The following HIBCH variants were observed in gnomAD, a reference collection of about 807,000 sequenced individuals.
HIBCH encodes 3-hydroxyisobutyryl-CoA hydrolase, mitochondrial.
HIBCH carries 50 observed loss-of-function variants against 58.2 expected under a neutral mutation model. The ratio of observed to expected loss-of-function variants is 0.86; its 90% CI spans 0.68 to 1.09. The LOEUF (loss-of-function observed/expected upper bound fraction) is 1.09. HIBCH is among the 50% of genes least tolerant of loss of function. HIBCH has a pLI of 0.00. For synonymous variants in HIBCH, 151 were observed against 146.9 expected (o/e 1.03, Z -0.20); for missense variants, 450 against 449.7 (o/e 1.00, Z -0.01).
At chr2:190,311,325 A>C (rs1007767197) in intron 1 of HIBCH, among the ~76,000 whole-genome samples, 1 of 152,212 alleles carries the variant, frequency 6.6e-6, no homozygotes, top group African/African-American at 2.4e-5. Flanking sequence ...TGTTTAGGGC[A>C]GTGAAACTAA....
At position 190,205,042 on chromosome 2, in the gene HIBCH, C is replaced by T. The variant is rs1690355774; in HGVS notation, c.*75G>A. On this transcript the variant is annotated 3_prime_UTR_variant, in exon 14 of 14. Coordinates refer to ENST00000359678, the MANE Select transcript of HIBCH (RefSeq NM_014362.4). ...AGCTTACAGGGTATATAAAAACAGG[C>T]AGCAGGCTGGATTTGGCCCACATGC... 3.9e-6 allele frequency: 3 copies of T among 770,550 alleles called. No homozygotes were observed. Among genetic ancestry groups the T allele is most frequent in the Non-Finnish European group, 7.0e-6 (3 of 429,190 alleles). The allele number at this position is 770,550 out of a possible 1,614,324, so 47.7% of individuals were successfully genotyped here.
intron 9 of HIBCH, among the ~76,000 whole-genome samples, chr2:190,248,312 C>T (rs1238616411): frequency 6.6e-6 from 1 of 152,116 alleles, no homozygotes; most frequent in East Asian, 1.9e-4. Flanking sequence ...ATTAAGGGGT[C>T]CATGAATTTC....
At chr2:190,192,801 G>A (rs1001842470) in intron 1 of HIBCH, among the ~76,000 whole-genome samples, 3 of 151,972 alleles carry the variant, frequency 2.0e-5, no homozygotes, top group African/African-American at 7.2e-5. Flanking sequence ...ATTGCAAATG[G>A]CATTAATTTC....
chr2:190,248,753 C>T (rs60584672), intron 9 of HIBCH, among the ~76,000 whole-genome samples: 3,851 of 151,740 alleles, frequency 0.025, 179 homozygotes, highest in African/African-American at 0.089. Flanking sequence ...CCCAGCTACT[C>T]GGGAGGCTGA....
intron 6 of HIBCH, among the ~76,000 whole-genome samples, chr2:190,287,027 C>T (rs990241068): frequency 7.0e-6 from 1 of 142,114 alleles, no homozygotes; most frequent in Non-Finnish European, 1.5e-5. Context: ...TAGCATATAA[C>T]GTGTGTGTGT....
chr2:190,244,319 T>A (rs540093916), intron 11 of HIBCH, among the ~76,000 whole-genome samples: 2 of 152,296 alleles, frequency 1.3e-5, no homozygotes, highest in South Asian at 4.1e-4. Context: ...TATGTACACA[T>A]TTATACAAAA....
intron 6 of HIBCH, among the ~76,000 whole-genome samples, chr2:190,272,888 CTCTA>C (rs1431993435): frequency 6.6e-6 from 1 of 152,014 alleles, no homozygotes; most frequent in Non-Finnish European, 1.5e-5. Context: ...AAAACAAGGG[CTCTA>C]TCTAATAAGA....
At chr2:190,256,576 CAAAGT>C (rs1471771747) in intron 7 of HIBCH, among the ~76,000 whole-genome samples, 6 of 151,304 alleles carry the variant, frequency 4.0e-5, no homozygotes, top group African/African-American at 1.5e-4. Context: ...CAGCACCCGA[CAAAGT>C]AAAGTTTACA....
chr2:190,247,824 G>A (rs944281215), intron 9 of HIBCH, among the ~76,000 whole-genome samples: 1 of 152,156 alleles, frequency 6.6e-6, no homozygotes, highest in Non-Finnish European at 1.5e-5. Context: ...AAGCTCAGAT[G>A]ATCATTAGTA....
intron 7 of HIBCH, among the ~76,000 whole-genome samples, chr2:190,258,435 T>A (rs966253915): frequency 4.6e-5 from 7 of 152,136 alleles, no homozygotes; most frequent in African/African-American, 1.7e-4. Context: ...AATGTAGAAG[T>A]GACTTGGGAA....
chr2:190,194,210 G>T (rs1338526155), intron 1 of HIBCH, among the ~76,000 whole-genome samples: 1 of 152,154 alleles, frequency 6.6e-6, no homozygotes, highest in African/African-American at 2.4e-5. Flanking sequence ...ATAAGAATAT[G>T]TAATAGTTGT....
chr2:190,219,608 T>G (rs1037978504), intron 11 of HIBCH, among the ~76,000 whole-genome samples: 1 of 152,210 alleles, frequency 6.6e-6, no homozygotes, highest in Non-Finnish European at 1.5e-5. Flanking sequence ...AGGATTGCAG[T>G]GCATTGTGGG....
Position 190,246,195 on chromosome 2 carries a change from G to A in HIBCH, c.768C>T (p.Asp256=). 6.3e-7 allele frequency: 1 copy of A among 1,592,968 alleles called. No homozygotes were observed. The highest frequency in any genetic ancestry group is 8.6e-7 in the Non-Finnish European group (1 of 1,161,998). Residue 256 remains aspartate, a synonymous_variant, in exon 10 of 14, where the codon GAC becomes GAT. Coordinates refer to ENST00000359678, the MANE Select transcript of HIBCH (RefSeq NM_014362.4). The part of the protein sequence containing the change: ...NYHTESKIDR[D]KSFILEEHMD... ...TGTGTTCCTCAAGTATAAAAGACTT[G>A]TCTCGATCAATCTTAGACTGTTTGA...
rs947417053 is a variant in HIBCH, at chr2:190,217,961, G to C, written c.892-4886C>G. On this transcript the variant is annotated intron_variant, in intron 11 of 13. Transcript: ENST00000359678. This position sits in a 1 kb window ranked among gnomAD's most constrained non-coding sequence, Gnocchi z 4.6. ...TGAGCAGGCTCCGTCATTGGGGGTGGATACGGTTAGGATTAATCCTAACAC... is the reference window on the plus strand; with the variant it reads ...TGAGCAGGCTCCGTCATTGGGGGTGCATACGGTTAGGATTAATCCTAACAC... Among the ~76,000 whole-genome samples, 2 of 152,124 alleles carry C rather than the reference G, an allele frequency of 1.3e-5. No individual in the cohort carries two copies. The highest frequency in any genetic ancestry group is 4.8e-5 in the African/African-American group (2 of 41,408).
In HIBCH at chr2:190,294,018, G is replaced by GTATATA. The variant is rs1282515390; in HGVS notation, c.304+527_304+528insTATATA. On this transcript the variant is annotated intron_variant, in intron 4 of 13. Transcript: ENST00000359678. ...ATATATATTTTGTAATATATATTTT[G>GTATATA]TGTGTATATATATATATATATATAT... 8.7e-3 allele frequency among the ~76,000 whole-genome samples: 348 copies of GTATATA among 39,912 alleles called. 4 individuals carry two copies. The highest frequency in any genetic ancestry group is 0.041 in the African/African-American group (319 of 7,766). The allele number at this position is 39,912 out of a possible 152,430, so 26.2% of individuals were successfully genotyped here.
chr2:190,299,042 A>G (rs1026053223), intron 2 of HIBCH, among the ~76,000 whole-genome samples: 5 of 152,294 alleles, frequency 3.3e-5, no homozygotes, highest in African/African-American at 1.2e-4. Flanking sequence ...TTTGTTGAAG[A>G]TGGCACCACC....
At chr2:190,273,744 G>C (rs1037790283) in intron 6 of HIBCH, among the ~76,000 whole-genome samples, 16 of 151,998 alleles carry the variant, frequency 1.1e-4, no homozygotes, top group Non-Finnish European at 2.1e-4. Flanking sequence ...TGGGTGGGAA[G>C]AAGTATACCA....
intron 3 of HIBCH, among the ~76,000 whole-genome samples, chr2:190,295,211 G>C (rs2105990710): frequency 6.6e-6 from 1 of 152,326 alleles, no homozygotes; most frequent in African/African-American, 2.4e-5. Flanking sequence ...TGAAAAATTA[G>C]TTACCCACAG....
At chr2:190,311,315 T>C (rs572482947) in intron 1 of HIBCH, among the ~76,000 whole-genome samples, 1 of 152,306 alleles carries the variant, frequency 6.6e-6, no homozygotes, top group East Asian at 1.9e-4. Context: ...ACACAGGAGA[T>C]GTTTAGGGCA....
Sources: gnomAD v4.1 joint callset for allele counts (sites outside exome capture counted in the v4.1 genomes callset) on GRCh38, gnomAD v4.1.1 for gene constraint, Gnocchi (gnomAD v3.1) non-coding constraint, MANE v1.5 for transcripts, NCBI Gene and HGNC (gene_info 2026-07-23, HGNC 2026-07-21) for gene names.